Variants in SLC26A7 observed in about 807,000 individuals in gnomAD.
SLC26A7 encodes solute carrier family 26 member 7, also known as anion exchange transporter.
A neutral mutation model predicts 82.5 loss-of-function variants in SLC26A7; 59 were observed. That is an observed-to-expected ratio of 0.72 (90% CI 0.58 to 0.89). The LOEUF (loss-of-function observed/expected upper bound fraction) is 0.89. Among genes scored for constraint, SLC26A7 ranks in the 40% least tolerant of loss-of-function variants. The pLI is 0.00. For missense variants in SLC26A7, 820 were observed against 793.0 expected (o/e 1.03, Z -0.41); for synonymous variants, 271 against 274.3 (o/e 0.99, Z 0.12).
At chr8:91,230,537 C>G (rs987962996) in intron 2 of SLC26A7, among the ~76,000 whole-genome samples, 13 of 152,290 alleles carry the variant, frequency 8.5e-5, no homozygotes, top group Admixed American at 8.5e-4. Flanking sequence ...TGGTCCTATT[C>G]CTGTATTTAC....
chr8:91,318,452 A>T, intron 5 of SLC26A7, 72 bp downstream of exon 5: 1 of 1,354,796 alleles, frequency 7.4e-7, no homozygotes, highest in Non-Finnish European at 9.9e-7. Flanking sequence ...TTGATTAATT[A>T]TAGTACTGAG....
chr8:91,318,347 G>C lies in SLC26A7; in HGVS notation c.609G>C (p.Met203Ile). Residue 203 changes from methionine to isoleucine, a missense_variant, in exon 5 of 19, where the codon ATG (methionine) becomes ATC (isoleucine). By Grantham distance (10) the Met-to-Ile change is conservative. Coordinates refer to ENST00000276609, the MANE Select transcript of SLC26A7 (RefSeq NM_052832.4). ...TCAAATATCTCTTGGGAATGAAAAT[G>C]CCATATATATCCGGACCACTTGGAT... ...SQVKYLLGMK[M>I]PYISGPLGFF... The C allele has an allele frequency of 6.2e-7, 1 of 1,611,692 alleles. No homozygotes were observed. Among genetic ancestry groups the C allele is most frequent in the Non-Finnish European group, 8.5e-7 (1 of 1,178,752 alleles).
chr8:91,367,484 A>G (rs1814229872), intron 14 of SLC26A7, among the ~76,000 whole-genome samples: 2 of 152,164 alleles, frequency 1.3e-5, no homozygotes, highest in Non-Finnish European at 2.9e-5. Context: ...ATTGAATCAA[A>G]TGTGCATCAA....
intron 9 of SLC26A7, chr8:91,348,183 T>G: frequency 3.4e-6 from 1 of 295,240 alleles, no homozygotes; most frequent in South Asian, 1.3e-4. Context: ...TTTGGCTAAT[T>G]GCTTTCATCT....
At chr8:91,318,423 A>G in intron 5 of SLC26A7, 43 bp downstream of exon 5, 1 of 1,471,546 alleles carries the variant, frequency 6.8e-7, no homozygotes, top group East Asian at 2.5e-5. Context: ...TTGAATGTGC[A>G]GGTTTCACAA....
In SLC26A7 at chr8:91,363,413, A is replaced by G. The variant is rs76359933; in HGVS notation, c.1422-59A>G. On this transcript the variant is annotated intron_variant, in intron 12 of 18. Coordinates refer to ENST00000276609, the MANE Select transcript of SLC26A7 (RefSeq NM_052832.4). ...TTAAATGACTACTTTTGGTTTCTTC[A>G]TTGTTTATATAATGATTAGGAAATG... is the stretch of plus-strand genomic sequence containing the variant. 7.8e-4 allele frequency: 851 copies of G among 1,094,826 alleles called. 8 individuals are homozygous for G. The African/African-American group carries it at 0.012, about 16-fold the overall frequency. 67.8% of individuals were successfully genotyped at this position (1,094,826 alleles called of 1,614,324 possible). A position where few individuals can be genotyped will look rare whatever the true frequency, so the allele number is the denominator to read the frequency against.
At chr8:91,275,984 TC>T (rs1308051306) in intron 2 of SLC26A7, among the ~76,000 whole-genome samples, 2 of 152,116 alleles carry the variant, frequency 1.3e-5, no homozygotes, top group Non-Finnish European at 2.9e-5. Context: ...TAACTAATCC[TC>T]TCTGAAAATA....
At chr8:91,365,963 C>T (rs1182095462) in intron 13 of SLC26A7, among the ~76,000 whole-genome samples, 1 of 152,098 alleles carries the variant, frequency 6.6e-6, no homozygotes, top group Non-Finnish European at 1.5e-5. Flanking sequence ...GGAAAATGGC[C>T]AAAGCGGACA....
At chr8:91,374,482 T>C (rs1420182035) in intron 15 of SLC26A7, among the ~76,000 whole-genome samples, 1 of 152,078 alleles carries the variant, frequency 6.6e-6, no homozygotes, top group Non-Finnish European at 1.5e-5. Context: ...TTTCATTGTT[T>C]ACTCAAAAGC....
At chr8:91,320,007 G>C (rs1812746281) in intron 5 of SLC26A7, among the ~76,000 whole-genome samples, 1 of 152,082 alleles carries the variant, frequency 6.6e-6, no homozygotes, top group South Asian at 2.1e-4. Context: ...TATTTTTGAG[G>C]GAAACTGCAA....
chr8:91,319,174 T>G (rs7833573), intron 5 of SLC26A7, among the ~76,000 whole-genome samples: 27,127 of 152,108 alleles, frequency 0.18, 2,863 homozygotes, highest in African/African-American at 0.28. Flanking sequence ...GTGGTTTCTG[T>G]CATTTCTGTA....
At chr8:91,374,991 GTCTT>G (rs952413289) in intron 15 of SLC26A7, among the ~76,000 whole-genome samples, 3 of 151,600 alleles carry the variant, frequency 2.0e-5, no homozygotes, top group Non-Finnish European at 4.4e-5. Flanking sequence ...GCCCTTCTTT[GTCTT>G]TCTTTCTTTT....
chr8:91,378,119 A>G (rs958545232), intron 15 of SLC26A7, among the ~76,000 whole-genome samples: 2 of 152,120 alleles, frequency 1.3e-5, no homozygotes, highest in Admixed American at 6.6e-5. Context: ...TGTTACTATT[A>G]TGGCTTTATC....
chr8:91,279,007 C>T (rs1175408612), intron 2 of SLC26A7, among the ~76,000 whole-genome samples: 1 of 151,442 alleles, frequency 6.6e-6, no homozygotes, highest in Non-Finnish European at 1.5e-5. Context: ...TAGTAATTGT[C>T]TTTCTGTGCC....
intron 5 of SLC26A7, among the ~76,000 whole-genome samples, chr8:91,332,400 TTTAA>T (rs1213839653): frequency 6.3e-5 from 9 of 143,752 alleles, no homozygotes; most frequent in Admixed American, 5.0e-4. Context: ...ATATATTATA[TTTAA>T]TTATTCAATA....
intron 16 of SLC26A7, among the ~76,000 whole-genome samples, chr8:91,393,351 G>A (rs1808459645): frequency 6.6e-6 from 1 of 152,076 alleles, no homozygotes; most frequent in Admixed American, 6.6e-5. Flanking sequence ...TTGGATTATA[G>A]TGAGGTTCTC....
At chr8:91,289,380 C>G in intron 3 of SLC26A7, 134 bp downstream of exon 3, 1 of 686,284 alleles carries the variant, frequency 1.5e-6, no homozygotes, top group Non-Finnish European at 2.6e-6. Flanking sequence ...GATATTTACT[C>G]TCCATGCATC....
chr8:91,346,199 T>C (rs1481135343), intron 9 of SLC26A7, among the ~76,000 whole-genome samples: 1 of 152,180 alleles, frequency 6.6e-6, no homozygotes, highest in Non-Finnish European at 1.5e-5. Context: ...TGGTCACTAA[T>C]CTTTTCAACA....
chr8:91,338,643 C>T (rs1209289429), intron 7 of SLC26A7, among the ~76,000 whole-genome samples: 1 of 152,024 alleles, frequency 6.6e-6, no homozygotes, highest in Non-Finnish European at 1.5e-5. Flanking sequence ...ATAGCAAACC[C>T]TAGGCCTGGG....
Sources: allele counts gnomAD v4.1 joint callset (sites outside exome capture counted in the v4.1 genomes callset), GRCh38; gene constraint gnomAD v4.1.1; transcripts MANE v1.5; gene names NCBI Gene and HGNC (gene_info 2026-07-23, HGNC 2026-07-21).